MBD5: variants seen among roughly 807,000 people sequenced by gnomAD.
MBD5 encodes the protein methyl-CpG-binding domain protein 5.
Under a neutral mutation model 117.3 loss-of-function variants are expected in MBD5, and 13 were observed. The observed-to-expected ratio is 0.11, with a 90% CI of 0.07 to 0.18. The LOEUF (loss-of-function observed/expected upper bound fraction) is 0.18. Among genes scored for constraint, MBD5 ranks in the 10% least tolerant of loss-of-function variants. The pLI is 1.00. For synonymous variants in MBD5, 727 were observed against 766.4 expected, an observed-to-expected ratio of 0.95 and a Z score of 0.85; for missense variants, 1,879 against 2,093.8, an observed-to-expected ratio of 0.90 and a Z score of 2.00.
chr2:148,048,506 G>A (rs1694599136), intron 1 of MBD5, among the ~76,000 whole-genome samples: 1 of 152,048 alleles, frequency 6.6e-6, no homozygotes, highest in Non-Finnish European at 1.5e-5. Context: ...GAGAAAATAA[G>A]AACTGAGAAA....
chr2:148,418,430 ACT>A (rs1183317614), intron 4 of MBD5, among the ~76,000 whole-genome samples: 1 of 152,010 alleles, frequency 6.6e-6, no homozygotes, highest in Non-Finnish European at 1.5e-5. Context: ...AGTTAAACTA[ACT>A]CTGTTTGCCA....
At chr2:148,102,723 CACACACAGAGAGAGAGAG>C (rs1351195314) in intron 1 of MBD5, among the ~76,000 whole-genome samples, 11 of 69,980 alleles carry the variant, frequency 1.6e-4, no homozygotes, top group Admixed American at 8.5e-4. Flanking sequence ...CACACACACA[CACACACAGAGAGAGAGAG>C]AGAGAGAGAG....
chr2:148,087,693 C>T (rs1306943657), intron 1 of MBD5, among the ~76,000 whole-genome samples: 2 of 152,178 alleles, frequency 1.3e-5, no homozygotes, highest in East Asian at 3.9e-4. Context: ...GGGATTGCCC[C>T]ATGGTGCAAA....
intron 1 of MBD5, among the ~76,000 whole-genome samples, chr2:148,167,515 A>T (rs1301019211): frequency 6.6e-6 from 1 of 152,178 alleles, no homozygotes; most frequent in African/African-American, 2.4e-5. Context: ...TGTGGTCTGC[A>T]TTCTAGATTT....
At chr2:148,323,604 G>A (rs1702351665) in intron 3 of MBD5, among the ~76,000 whole-genome samples, 1 of 151,896 alleles carries the variant, frequency 6.6e-6, no homozygotes, top group Non-Finnish European at 1.5e-5. Context: ...CAGTGATGGT[G>A]AGCATTTTTT....
chr2:148,419,612 CTT>C (rs1178011992), intron 4 of MBD5, among the ~76,000 whole-genome samples: 6 of 152,082 alleles, frequency 3.9e-5, no homozygotes, highest in Non-Finnish European at 5.9e-5. Context: ...TGGCCACTCT[CTT>C]GTTACACTAT....
At chr2:148,302,383 A>G (rs1278742116) in intron 3 of MBD5, among the ~76,000 whole-genome samples, 1 of 152,206 alleles carries the variant, frequency 6.6e-6, no homozygotes, top group African/African-American at 2.4e-5. Flanking sequence ...TTCCCTCCCC[A>G]TCAAAAAGCC....
intron 4 of MBD5, among the ~76,000 whole-genome samples, chr2:148,447,179 G>GAAAGAAAGAAAGAAAGA (rs1706572075): frequency 5.6e-3 from 4 of 710 alleles, no homozygotes; most frequent in African/African-American, 7.0e-3. Flanking sequence ...AAGGAAGAAG[G>GAAAGAAAGAAAGAAAGA]AAAGAAAGAA....
chr2:148,075,190 A>G (rs1342212696), intron 1 of MBD5, among the ~76,000 whole-genome samples: 1 of 152,236 alleles, frequency 6.6e-6, no homozygotes. Flanking sequence ...AGGGGTCTAC[A>G]TGTCAGAGTG....
intron 1 of MBD5, among the ~76,000 whole-genome samples, chr2:148,079,359 A>C (rs1278491739): frequency 1.3e-5 from 2 of 152,216 alleles, no homozygotes; most frequent in African/African-American, 4.8e-5. Flanking sequence ...TCAATCGATG[A>C]GGATATTGTT....
At chr2:148,040,237 G>A (rs533753002) in intron 1 of MBD5, among the ~76,000 whole-genome samples, 9 of 152,136 alleles carry the variant, frequency 5.9e-5, no homozygotes, top group Admixed American at 2.0e-4. Context: ...ATGGTGGCAC[G>A]AGCCTGTAGT....
chr2:148,327,541 C>G (rs1702492742), intron 3 of MBD5, among the ~76,000 whole-genome samples: 1 of 151,952 alleles, frequency 6.6e-6, no homozygotes, highest in African/African-American at 2.4e-5. Flanking sequence ...TTGCTCGTTT[C>G]TTTTTATTCT....
chr2:148,205,744 G>A (rs192039902), intron 2 of MBD5, among the ~76,000 whole-genome samples: 188 of 152,232 alleles, frequency 1.2e-3, no homozygotes, highest in Middle Eastern at 3.4e-3. Flanking sequence ...GTAGAAAATA[G>A]GCAGGCTGCA....
intron 4 of MBD5, among the ~76,000 whole-genome samples, chr2:148,421,222 A>C (rs1268776025): frequency 2.0e-5 from 3 of 152,128 alleles, no homozygotes. Flanking sequence ...CAACTGAGCT[A>C]CCTGGTTCAT....
chr2:148,467,402 A>G (rs1680586991), intron 7 of MBD5, among the ~76,000 whole-genome samples: 1 of 152,166 alleles, frequency 6.6e-6, no homozygotes, highest in African/African-American at 2.4e-5. Context: ...AGAAGGAGAA[A>G]TGCACTCATG....
At chr2:148,455,420 C>A (rs1025271079) in intron 4 of MBD5, among the ~76,000 whole-genome samples, 1 of 152,050 alleles carries the variant, frequency 6.6e-6, no homozygotes, top group Non-Finnish European at 1.5e-5. Context: ...CATCAAACTT[C>A]GAACAGGCAT....
In MBD5 at chr2:148,301,627, A is replaced by T. The variant is rs1701777112; in HGVS notation, c.-679-40587A>T. On this transcript the variant is annotated intron_variant, in intron 3 of 13. Transcript: ENST00000642680. The stretch of plus-strand genomic sequence containing the variant: ...GGATTTTATATCTTGGCATGTTTCT[A>T]GGGGAATTACGTCCCTTTTCCCCTG... Among the ~76,000 whole-genome samples the T allele has an allele frequency of 1.3e-5, 2 of 152,200 alleles. 1 individual carries two copies. The highest frequency in any genetic ancestry group is 4.1e-4 in the South Asian group (2 of 4,826).
chr2:148,136,085 G>A (rs1026327889), intron 1 of MBD5, among the ~76,000 whole-genome samples: 4 of 152,164 alleles, frequency 2.6e-5, no homozygotes, highest in African/African-American at 9.7e-5. Context: ...ATAGTGGGGG[G>A]TGGTGGGTGT....
chr2:148,318,667 G>A lies in MBD5; in HGVS notation c.-679-23547G>A, dbSNP rs1032858528. On this transcript the variant is annotated intron_variant, in intron 3 of 13. Transcript: ENST00000642680. ...ATATACAAAAATTCTTACGCATATG[G>A]CTATCCAATTTTCCCAGTACCCCTT... 7.2e-5 allele frequency among the ~76,000 whole-genome samples: 11 copies of A among 151,868 alleles called. 1 individual carries two copies. Among genetic ancestry groups the A allele is most frequent in the African/African-American group, 2.7e-4 (11 of 41,334 alleles).
Sources: gnomAD v4.1 joint callset for allele counts (sites outside exome capture counted in the v4.1 genomes callset) on GRCh38, gnomAD v4.1.1 for gene constraint, MANE v1.5 for transcripts, NCBI Gene and HGNC (gene_info 2026-07-23, HGNC 2026-07-21) for gene names.